Variants in DTL observed in about 807,000 individuals in gnomAD.
DTL encodes the protein denticleless protein homolog.
A neutral mutation model predicts 87.0 loss-of-function variants in DTL; 46 were observed. The observed-to-expected ratio is 0.53, with a 90% CI of 0.42 to 0.68. The LOEUF is 0.68. DTL is among the 30% of genes least tolerant of loss of function. DTL has a pLI of 0.00. For synonymous variants in DTL, 308 were observed against 311.2 expected, an observed-to-expected ratio of 0.99 and a Z score of 0.11; for missense variants, 737 against 869.4, an observed-to-expected ratio of 0.85 and a Z score of 1.91.
chr1:212,089,398 G>T (rs1053997926), intron 13 of DTL, among the ~76,000 whole-genome samples: 2 of 152,022 alleles, frequency 1.3e-5, no homozygotes, highest in Non-Finnish European at 2.9e-5. Context: ...AACATGTACA[G>T]ATATATATAT....
At chr1:212,062,307 T>C (rs1654351834) in intron 5 of DTL, among the ~76,000 whole-genome samples, 2 of 152,288 alleles carry the variant, frequency 1.3e-5, no homozygotes, top group Non-Finnish European at 2.9e-5. Context: ...ACATTACAGA[T>C]AAATTGAAGT....
At chr1:212,070,126 TGATTATATTATCAGA>T (rs1654627882) in intron 10 of DTL, among the ~76,000 whole-genome samples, 2 of 152,228 alleles carry the variant, frequency 1.3e-5, no homozygotes, top group Middle Eastern at 3.2e-3. Context: ...AGCGTGATCC[TGATTATATTATCAGA>T]TGTACAAGAG....
At chr1:212,082,868 A>G (rs778385136) in intron 13 of DTL, among the ~76,000 whole-genome samples, 16 of 152,192 alleles carry the variant, frequency 1.1e-4, no homozygotes, top group Non-Finnish European at 2.2e-4. Context: ...GAGGCTAGCA[A>G]TAATTAATTG....
intron 11 of DTL, among the ~76,000 whole-genome samples, chr1:212,074,896 A>G (rs1228364824): frequency 6.6e-6 from 1 of 152,172 alleles, no homozygotes; most frequent in Non-Finnish European, 1.5e-5. Context: ...AATATAATAT[A>G]TTCGGGCTGA....
At chr1:212,098,379 G>A (rs1190828141) in intron 13 of DTL, among the ~76,000 whole-genome samples, 1 of 152,218 alleles carries the variant, frequency 6.6e-6, no homozygotes, top group Non-Finnish European at 1.5e-5. Flanking sequence ...GCACTTTCAA[G>A]AGAGTATCAA....
At chr1:212,077,406 T>C (rs891389449) in intron 11 of DTL, among the ~76,000 whole-genome samples, 2 of 152,146 alleles carry the variant, frequency 1.3e-5, no homozygotes, top group African/African-American at 4.8e-5. Context: ...TCTTTCTGCA[T>C]TAAAATATAT....
chr1:212,093,680 G>C (rs552922949), intron 13 of DTL, among the ~76,000 whole-genome samples: 1 of 152,072 alleles, frequency 6.6e-6, no homozygotes, highest in African/African-American at 2.4e-5. Context: ...TCTGCTTGAC[G>C]ACCAGCCACT....
chr1:212,084,908 C>T (rs1389150706), intron 13 of DTL, among the ~76,000 whole-genome samples: 4 of 152,152 alleles, frequency 2.6e-5, no homozygotes, highest in African/African-American at 9.7e-5. Context: ...ATACCAAAGT[C>T]CACAGAAGCT....
intron 11 of DTL, among the ~76,000 whole-genome samples, chr1:212,073,334 T>G (rs185882865): frequency 2.0e-5 from 3 of 152,340 alleles, no homozygotes; most frequent in African/African-American, 4.8e-5. Context: ...CATAAATGTC[T>G]TTGACATTGG....
chr1:212,092,633 T>C (rs772602494), intron 13 of DTL, among the ~76,000 whole-genome samples: 1 of 152,244 alleles, frequency 6.6e-6, no homozygotes, highest in Non-Finnish European at 1.5e-5. Flanking sequence ...CCCTGGTATA[T>C]ATATACACCA....
At chr1:212,086,089 G>A (rs911126491) in intron 13 of DTL, among the ~76,000 whole-genome samples, 2 of 152,082 alleles carry the variant, frequency 1.3e-5, no homozygotes, top group South Asian at 2.1e-4. Context: ...AGATTGTCTC[G>A]ACTGTTCTGG....
chr1:212,058,974 C>G (rs938669807), intron 5 of DTL, among the ~76,000 whole-genome samples: 5 of 152,068 alleles, frequency 3.3e-5, no homozygotes, highest in Admixed American at 3.3e-4. Context: ...CCTACCAAGA[C>G]TGAATCAGAA....
At chr1:212,081,384 G>A (rs1287065515) in intron 13 of DTL, among the ~76,000 whole-genome samples, 1 of 152,222 alleles carries the variant, frequency 6.6e-6, no homozygotes, top group Non-Finnish European at 1.5e-5. Context: ...CCCTAGGGCT[G>A]CAGCAGGCAA....
At chr1:212,059,574 G>A (rs567150610) in intron 5 of DTL, among the ~76,000 whole-genome samples, 48 of 151,930 alleles carry the variant, frequency 3.2e-4, no homozygotes, top group Admixed American at 2.9e-3. Context: ...ACACTGAATC[G>A]AAAAAAGCTG....
At position 212,045,619 on chromosome 1, in the gene DTL, T is replaced by C. The variant is rs529896764; in HGVS notation, c.277+861T>C. On this transcript the variant is annotated intron_variant, in intron 3 of 14. Coordinates refer to ENST00000366991, the MANE Select transcript of DTL (RefSeq NM_016448.4). ...ACTGGTGTCAAAGAGAAAGCTCTCA[T>C]GTAGTAAAGAAGGCTAGGAAAACTT... 1.2e-4 allele frequency among the ~76,000 whole-genome samples: 19 copies of C among 152,292 alleles called. 2 individuals carry two copies. In the South Asian group the frequency reaches 3.7e-3, roughly 30 times the overall value.
rs557642530 is a variant in DTL at position 212,101,083 on chromosome 1, C to T, written c.2093C>T (p.Pro698Leu). Residue 698 changes from proline (P) to leucine (L), a missense_variant and splice_region_variant, in exon 14 of 15, where the codon CCG (proline) becomes CTG (leucine). Pro to Leu is a moderately conservative substitution (Grantham distance 98). Transcript: ENST00000366991. ...RRQSGKKLPS[P>L]VTITPSSMRK... The stretch of plus-strand genomic sequence containing the variant: ...CAGAGCGGAAAGAAATTGCCAAGCC[C>T]GGTAAGTCAGCAGTGGTGGGAAGAT... 74 of 1,597,044 alleles carry T rather than the reference C, an allele frequency of 4.6e-5. No homozygotes were observed. Among genetic ancestry groups the T allele is most frequent in the South Asian group, 1.3e-4 (11 of 87,774 alleles).
At position 212,079,071 on chromosome 1, in the gene DTL, G is replaced by A. The variant is rs1464539829; in HGVS notation, c.1125+809G>A. 3.3e-5 allele frequency among the ~76,000 whole-genome samples: 5 copies of A among 152,074 alleles called. No homozygotes were observed. In the East Asian group the frequency reaches 9.7e-4, roughly 29 times the overall value. On this transcript the variant is annotated intron_variant, in intron 12 of 14. Transcript: ENST00000366991. The stretch of plus-strand genomic sequence containing the variant: ...AAACTTCTCATGGTCTGGTCTATTT[G>A]TGGCATCCCTGCTAGCTTCCAGTAT...
At chr1:212,099,980 G>A (rs560977489) in intron 13 of DTL, among the ~76,000 whole-genome samples, 30 of 152,192 alleles carry the variant, frequency 2.0e-4, no homozygotes, top group African/African-American at 6.7e-4. Flanking sequence ...CATGGTTTAC[G>A]TAAGTGCTTT....
chr1:212,054,697 A>T (rs976805397), intron 5 of DTL, among the ~76,000 whole-genome samples: 2 of 148,344 alleles, frequency 1.3e-5, no homozygotes, highest in African/African-American at 4.9e-5. Context: ...CGGGAGGCTG[A>T]GGCGGGAGAA....
Sources: allele counts gnomAD v4.1 joint callset (sites outside exome capture counted in the v4.1 genomes callset), GRCh38; gene constraint gnomAD v4.1.1; transcripts MANE v1.5; gene names NCBI Gene and HGNC (gene_info 2026-07-23, HGNC 2026-07-21).